The following RNF38 variants were observed in gnomAD, a reference collection of about 807,000 sequenced individuals.
RNF38 encodes the protein ring finger protein 38.
A neutral mutation model predicts 67.2 loss-of-function variants in RNF38; 15 were observed. That is an observed-to-expected ratio of 0.22 (90% CI 0.15 to 0.34). The LOEUF (loss-of-function observed/expected upper bound fraction) is 0.34, where lower values mean the gene tolerates loss of function less well. Ranked by LOEUF, RNF38 falls within the 10% of genes least tolerant of loss-of-function variation. The pLI is 1.00. For missense variants in RNF38, 524 were observed against 639.9 expected (o/e 0.82, Z 1.95); for synonymous variants, 220 against 218.8 (o/e 1.01, Z -0.05).
chr9:36,449,612 T>C (rs1392961560), intron 1 of RNF38, among the ~76,000 whole-genome samples: 1 of 152,140 alleles, frequency 6.6e-6, no homozygotes, highest in Non-Finnish European at 1.5e-5. Flanking sequence ...ATTTTTTGTA[T>C]TTTTAATAGA....
At chr9:36,418,048 AT>A (rs35596314) in intron 2 of RNF38, among the ~76,000 whole-genome samples, 280 of 141,248 alleles carry the variant, frequency 2.0e-3, no homozygotes, top group East Asian at 2.7e-3. Flanking sequence ...TCAATATGTG[AT>A]TTTTTTTTTT....
intron 4 of RNF38, 25 bp from the exon 5 acceptor site, chr9:36,357,967 A>G (rs768789198): frequency 1.3e-6 from 2 of 1,594,184 alleles, no homozygotes; most frequent in Non-Finnish European, 1.7e-6. Flanking sequence ...ACAAATGAAC[A>G]AACTTTAGCT....
rs774755971 is a variant in RNF38, at chr9:36,337,632, T to C, written c.*2120A>G. ...ATATAAAAGTGTATAAGATGGGCTT[T>C]TGCCATTTTAAACATGATTTTTTTT... On this transcript the variant is annotated 3_prime_UTR_variant, in exon 12 of 12. Transcript: ENST00000259605. 6.6e-6 allele frequency: 1 copy of C among 151,926 alleles called. No individual in the cohort carries two copies. The highest frequency in any genetic ancestry group is 1.5e-5 in the Non-Finnish European group (1 of 67,738). 9.4% of individuals were successfully genotyped at this position (151,926 alleles called of 1,614,324 possible).
rs1041510322 is a variant in RNF38 at position 36,431,437 on chromosome 9, T to G, written n.242-6754A>C. On this transcript the variant is annotated intron_variant and non_coding_transcript_variant, in intron 1 of 3. Transcript: ENST00000488058. Reference sequence around the variant, plus strand: ...GAAAAGGTACAGTAAAAATATAGTATTATAATCTCAGGGGACCAGTCATAT... The same window carrying G: ...GAAAAGGTACAGTAAAAATATAGTAGTATAATCTCAGGGGACCAGTCATAT... Among the ~76,000 whole-genome samples, 8 of 152,204 alleles carry G rather than the reference T, an allele frequency of 5.3e-5. No homozygotes were observed. The East Asian group carries it at 1.5e-3, about 29-fold the overall frequency.
chr9:36,455,119 G>T (rs1587168195), intron 1 of RNF38, among the ~76,000 whole-genome samples: 1 of 151,720 alleles, frequency 6.6e-6, no homozygotes, highest in Admixed American at 6.6e-5. Context: ...GAGTGCGGTG[G>T]TGCGATCTTG....
intron 1 of RNF38, among the ~76,000 whole-genome samples, chr9:36,453,729 T>G (rs1839517107): frequency 6.6e-6 from 1 of 152,154 alleles, no homozygotes. Context: ...GGTCTTGCCA[T>G]GTTGCACAGG....
At chr9:36,451,449 A>C (rs1262025434) in intron 1 of RNF38, among the ~76,000 whole-genome samples, 1 of 150,546 alleles carries the variant, frequency 6.6e-6, no homozygotes, top group Admixed American at 6.6e-5. Flanking sequence ...CTGTGCAACA[A>C]GAGTGAAACT....
intron 1 of RNF38, among the ~76,000 whole-genome samples, chr9:36,460,423 A>G (rs1235281417): frequency 6.6e-6 from 1 of 152,202 alleles, no homozygotes; most frequent in South Asian, 2.1e-4. Context: ...TGGAGGTAAC[A>G]TTAAGTGTGT....
chr9:36,383,518 A>G (rs1836361393), intron 2 of RNF38, among the ~76,000 whole-genome samples: 2 of 152,112 alleles, frequency 1.3e-5, no homozygotes, highest in African/African-American at 4.8e-5. Flanking sequence ...TGAAACTGAA[A>G]CTTTTTAAGG....
At chr9:36,481,586 A>G (rs1840271411) in intron 1 of RNF38, among the ~76,000 whole-genome samples, 1 of 152,206 alleles carries the variant, frequency 6.6e-6, no homozygotes, top group Non-Finnish European at 1.5e-5. Flanking sequence ...AAATTACTCC[A>G]AGACAGCAGC....
At chr9:36,373,634 C>T (rs1243233586) in intron 3 of RNF38, among the ~76,000 whole-genome samples, 1 of 150,278 alleles carries the variant, frequency 6.7e-6, no homozygotes, top group Non-Finnish European at 1.5e-5. Flanking sequence ...CTCACCCTGT[C>T]CCCCAGGCTG....
intron 2 of RNF38, among the ~76,000 whole-genome samples, chr9:36,414,156 T>C (rs953799909): frequency 6.6e-6 from 1 of 152,184 alleles, no homozygotes; most frequent in Non-Finnish European, 1.5e-5. Context: ...GTGAGTCTCT[T>C]GAAGACAGCA....
chr9:36,377,023 A>G (rs1192335247), intron 2 of RNF38, among the ~76,000 whole-genome samples: 2 of 152,096 alleles, frequency 1.3e-5, no homozygotes, highest in Admixed American at 6.5e-5. Context: ...CTTAACTAGA[A>G]TATCACAGCA....
intron 1 of RNF38, among the ~76,000 whole-genome samples, chr9:36,391,991 C>T (rs552341542): frequency 1.3e-4 from 20 of 152,250 alleles, no homozygotes; most frequent in South Asian, 6.2e-4. Context: ...ATTATGGTAA[C>T]GCTAGGCACT....
intron 1 of RNF38, among the ~76,000 whole-genome samples, chr9:36,392,913 G>A (rs1026169616): frequency 1.8e-4 from 28 of 152,170 alleles, no homozygotes; most frequent in African/African-American, 6.3e-4. Flanking sequence ...TTAGGAGTAA[G>A]AGTTCTGAAT....
Position 36,473,871 on chromosome 9 carries a change from C to T in RNF38, n.241+13437G>A, listed in dbSNP as rs528921916. ...GCGTGGTGGCAGGCACCTGTAATCCCAGCTACTCAGGAGGCTGAGGCAGAG... is the reference window on the plus strand; with the variant it reads ...GCGTGGTGGCAGGCACCTGTAATCCTAGCTACTCAGGAGGCTGAGGCAGAG... On this transcript the variant is annotated intron_variant and non_coding_transcript_variant, in intron 1 of 3. Coordinates refer to the RNF38 transcript ENST00000488058. Among the ~76,000 whole-genome samples, 51 of 150,922 alleles carry T rather than the reference C, an allele frequency of 3.4e-4. 1 individual carries two copies. The highest frequency in any genetic ancestry group is 8.6e-4 in the Admixed American group (13 of 15,074).
At chr9:36,375,207 T>C (rs1835695424) in intron 3 of RNF38, among the ~76,000 whole-genome samples, 1 of 152,222 alleles carries the variant, frequency 6.6e-6, no homozygotes, top group Admixed American at 6.5e-5. Context: ...TTTTGTTTTT[T>C]AAATACAGTG....
intron 1 of RNF38, among the ~76,000 whole-genome samples, chr9:36,474,288 G>A (rs1326216611): frequency 6.7e-6 from 1 of 148,834 alleles, no homozygotes; most frequent in Non-Finnish European, 1.5e-5. Flanking sequence ...ACTCCAGCCT[G>A]GGCGACAGAG....
At chr9:36,428,921 A>G (rs540326652) in intron 1 of RNF38, among the ~76,000 whole-genome samples, 3 of 152,242 alleles carry the variant, frequency 2.0e-5, no homozygotes, top group South Asian at 4.1e-4. Flanking sequence ...CTGCCATCCT[A>G]AAGACTCTAA....
Sources: allele counts gnomAD v4.1 joint callset (sites outside exome capture counted in the v4.1 genomes callset), GRCh38; gene constraint gnomAD v4.1.1; transcripts MANE v1.5; gene names NCBI Gene and HGNC (gene_info 2026-07-23, HGNC 2026-07-21).